Variants in PPM1L observed in about 807,000 individuals in gnomAD.
The protein encoded by PPM1L is protein phosphatase 1L.
In PPM1L, 13 loss-of-function variants were observed where a neutral mutation model predicts 31.4. The ratio of observed to expected loss-of-function variants is 0.41; its 90% CI spans 0.27 to 0.66. The LOEUF (loss-of-function observed/expected upper bound fraction) is 0.66. PPM1L is among the 30% of genes least tolerant of loss of function. The pLI is 0.29. For missense variants in PPM1L, 326 were observed against 453.7 expected (o/e 0.72, Z 2.56); for synonymous variants, 184 against 175.4 (o/e 1.05, Z -0.39).
rs150370685 is a variant in PPM1L, at chr3:160,769,273, G to A, written c.399+12566G>A. Among the ~76,000 whole-genome samples the A allele has an allele frequency of 5.4e-4, 82 of 152,332 alleles. No homozygotes were observed. The East Asian group carries it at 0.012, about 21-fold the overall frequency. ...TTGAGTGAGCCACATAGTTGGGAAG[G>A]GGGTTTAGAGAATGTTGCTTGTTCT... On this transcript the variant is annotated intron_variant, in intron 1 of 3. Transcript: ENST00000498165.
At chr3:160,845,467 C>A (rs1008201265) in intron 1 of PPM1L, among the ~76,000 whole-genome samples, 2 of 152,044 alleles carry the variant, frequency 1.3e-5, no homozygotes, top group African/African-American at 4.8e-5. Flanking sequence ...TTGATGATAT[C>A]ATTTGTAGCA....
Position 160,757,730 on chromosome 3 carries a change from C to T in PPM1L, c.399+1023C>T, listed in dbSNP as rs150026597. Among the ~76,000 whole-genome samples, 402 of 152,330 alleles carry T rather than the reference C, an allele frequency of 2.6e-3. 2 individuals carry two copies. Among genetic ancestry groups the T allele is most frequent in the African/African-American group, 9.4e-3 (391 of 41,580 alleles). On this transcript the variant is annotated intron_variant, in intron 1 of 3. Transcript: ENST00000498165. ...TCATTGCTGCATACTCTTTGTTTTC[C>T]CTTTTGGCAGCATACTTTTCTTATT...
chr3:160,827,268 C>A (rs927082590), intron 1 of PPM1L, among the ~76,000 whole-genome samples: 3 of 151,222 alleles, frequency 2.0e-5, no homozygotes, highest in Admixed American at 1.3e-4. Flanking sequence ...TGGCTTCCAG[C>A]AGAAATCCTC....
At chr3:161,026,471 G>A (rs1020717012) in intron 2 of PPM1L, among the ~76,000 whole-genome samples, 4 of 152,120 alleles carry the variant, frequency 2.6e-5, no homozygotes, top group African/African-American at 9.7e-5. Flanking sequence ...CGAGGCAGGA[G>A]GATCACCTGA....
chr3:161,041,238 T>C (rs1274948588), intron 2 of PPM1L, among the ~76,000 whole-genome samples: 1 of 152,138 alleles, frequency 6.6e-6, no homozygotes, highest in Non-Finnish European at 1.5e-5. Flanking sequence ...TGGAGATGCC[T>C]CCCCCCACTG....
At chr3:160,952,637 C>T (rs1715610175) in intron 1 of PPM1L, among the ~76,000 whole-genome samples, 1 of 152,186 alleles carries the variant, frequency 6.6e-6, no homozygotes. Flanking sequence ...GTCCTTAAAG[C>T]CAGATCTAGC....
chr3:160,836,024 T>C (rs1332934221), intron 1 of PPM1L, among the ~76,000 whole-genome samples: 2 of 152,068 alleles, frequency 1.3e-5, no homozygotes, highest in Non-Finnish European at 2.9e-5. Flanking sequence ...CATTTTTTTC[T>C]AGGCCAGCTA....
chr3:161,013,011 A>G (rs1391362543), intron 2 of PPM1L, among the ~76,000 whole-genome samples: 1 of 151,800 alleles, frequency 6.6e-6, no homozygotes, highest in Non-Finnish European at 1.5e-5. Flanking sequence ...TTGTTTCTCT[A>G]TATCTGTCTC....
chr3:160,916,252 T>C (rs1714176723), intron 1 of PPM1L, among the ~76,000 whole-genome samples: 1 of 152,046 alleles, frequency 6.6e-6, no homozygotes, highest in Admixed American at 6.6e-5. Flanking sequence ...GGGCGAAGGA[T>C]ATGAACAGAC....
intron 1 of PPM1L, among the ~76,000 whole-genome samples, chr3:160,856,877 C>T (rs1439863638): frequency 1.3e-5 from 2 of 150,726 alleles, no homozygotes; most frequent in Admixed American, 1.3e-4. Flanking sequence ...AATTCTTCTC[C>T]CTATTTATTT....
chr3:160,811,493 G>A lies in PPM1L; in HGVS notation c.399+54786G>A, dbSNP rs182572755. Among the ~76,000 whole-genome samples, 71 of 152,344 alleles carry A rather than the reference G, an allele frequency of 4.7e-4. 1 individual carries two copies. The highest frequency in any genetic ancestry group is 4.2e-3 in the Admixed American group (65 of 15,310). ...AGAAAACAAAAATGAATATTCAACA[G>A]AAAACCTATGTGACTCAAAAAGCCT... On this transcript the variant is annotated intron_variant, in intron 1 of 3. Coordinates refer to ENST00000498165, the MANE Select transcript of PPM1L (RefSeq NM_139245.4).
intron 2 of PPM1L, among the ~76,000 whole-genome samples, chr3:161,055,593 T>A (rs1281706504): frequency 6.6e-6 from 1 of 152,126 alleles, no homozygotes; most frequent in East Asian, 1.9e-4. Context: ...AAACCTATTT[T>A]ATTTCTCCTC....
chr3:160,842,948 T>A (rs534920158), intron 1 of PPM1L, among the ~76,000 whole-genome samples: 2 of 152,202 alleles, frequency 1.3e-5, no homozygotes, highest in Non-Finnish European at 2.9e-5. Context: ...ATATTTGTCT[T>A]ATTCTTTTAG....
At chr3:160,875,244 A>ATT (rs1190558080) in intron 1 of PPM1L, among the ~76,000 whole-genome samples, 1 of 152,184 alleles carries the variant, frequency 6.6e-6, no homozygotes, top group Non-Finnish European at 1.5e-5. Flanking sequence ...TTAGTTTCAC[A>ATT]TTTTTGCATC....
At chr3:161,050,575 A>G (rs1024601486) in intron 2 of PPM1L, among the ~76,000 whole-genome samples, 13 of 152,308 alleles carry the variant, frequency 8.5e-5, no homozygotes, top group Middle Eastern at 3.4e-3. Context: ...TTTTATATAT[A>G]GTTCTTTTCA....
intron 1 of PPM1L, among the ~76,000 whole-genome samples, chr3:160,796,185 A>C (rs1269712584): frequency 6.6e-6 from 1 of 152,222 alleles, no homozygotes; most frequent in Non-Finnish European, 1.5e-5. Flanking sequence ...CTCATGTAAA[A>C]TTGGAGTAAA....
chr3:161,055,146 AG>A (rs1483193010), intron 2 of PPM1L, among the ~76,000 whole-genome samples: 2 of 152,156 alleles, frequency 1.3e-5, no homozygotes, highest in Non-Finnish European at 2.9e-5. Context: ...AAGAGAGAAA[AG>A]AAAGATTAAA....
intron 1 of PPM1L, among the ~76,000 whole-genome samples, chr3:160,835,551 A>G (rs1485636844): frequency 1.3e-5 from 2 of 152,014 alleles, no homozygotes; most frequent in African/African-American, 4.8e-5. Context: ...CTTCTCTAAG[A>G]TACTCCACCA....
intron 1 of PPM1L, among the ~76,000 whole-genome samples, chr3:160,863,397 G>C (rs1048644958): frequency 6.6e-6 from 1 of 152,130 alleles, no homozygotes; most frequent in Non-Finnish European, 1.5e-5. Context: ...TTCCTGCTTA[G>C]CACTTGTTAT....
Sources: allele counts gnomAD v4.1 joint callset (sites outside exome capture counted in the v4.1 genomes callset), GRCh38; gene constraint gnomAD v4.1.1; transcripts MANE v1.5; gene names NCBI Gene and HGNC (gene_info 2026-07-23, HGNC 2026-07-21).